GRM3: variants seen among roughly 807,000 people sequenced by gnomAD.
GRM3 encodes glutamate metabotropic receptor 3, also known as metabotropic glutamate receptor 3.
GRM3 carries 26 observed loss-of-function variants against 70.5 expected under a neutral mutation model. The observed-to-expected ratio is 0.37, with a 90% CI of 0.27 to 0.51. The LOEUF (loss-of-function observed/expected upper bound fraction) is 0.51. GRM3 is among the 20% of genes least tolerant of loss of function. The pLI is 0.93. For synonymous variants in GRM3, 443 were observed against 434.9 expected (o/e 1.02, Z -0.23); for missense variants, 859 against 1,123.8 (o/e 0.76, Z 3.37).
chr7:86,650,967 C>T (rs1284901968), intron 1 of GRM3, among the ~76,000 whole-genome samples: 2 of 152,184 alleles, frequency 1.3e-5, no homozygotes, highest in Admixed American at 6.5e-5. Flanking sequence ...GCATTTTACA[C>T]ATCGGGACAT....
intron 3 of GRM3, among the ~76,000 whole-genome samples, chr7:86,800,573 C>T (rs1797658771): frequency 6.6e-6 from 1 of 152,096 alleles, no homozygotes; most frequent in South Asian, 2.1e-4. Context: ...CATACATCTT[C>T]CCAAGGCTGA....
intron 1 of GRM3, among the ~76,000 whole-genome samples, chr7:86,646,488 G>A (rs1231084222): frequency 6.6e-6 from 1 of 152,110 alleles, no homozygotes; most frequent in African/African-American, 2.4e-5. Context: ...ATGAGGAAAG[G>A]AAGTCTTGAA....
At chr7:86,646,005 GT>G (rs1424865584) in intron 1 of GRM3, among the ~76,000 whole-genome samples, 5,598 of 41,884 alleles carry the variant, frequency 0.13, 559 homozygotes, top group East Asian at 0.36. Context: ...GGGTGGGGGG[GT>G]GGGGGGGGGT....
intron 2 of GRM3, among the ~76,000 whole-genome samples, chr7:86,765,816 G>A (rs1162362564): frequency 1.3e-5 from 2 of 152,094 alleles, no homozygotes; most frequent in Non-Finnish European, 2.9e-5. Flanking sequence ...AGCATATCAG[G>A]TAGCTATTGC....
In GRM3 at chr7:86,787,073, G is replaced by C; in HGVS notation, c.1281G>C (p.Gly427=). 1 of 1,611,582 alleles carries C rather than the reference G, an allele frequency of 6.2e-7. No homozygotes were observed. Among genetic ancestry groups the C allele is most frequent in the Non-Finnish European group, 8.5e-7 (1 of 1,178,618 alleles). ...KLCDAMKILD[G]KKLYKDYLLK... is the part of the protein sequence containing the mutation. ...GTGATGCTATGAAGATCCTGGATGG[G>C]AAGAAGTTGTACAAGGATTACTTGC... Residue 427 remains glycine, a synonymous_variant, in exon 3 of 6, where the codon GGG becomes GGC. Coordinates refer to ENST00000361669, the MANE Select transcript of GRM3 (RefSeq NM_000840.3).
chr7:86,659,278 G>T (rs1196116832), intron 1 of GRM3, among the ~76,000 whole-genome samples: 1 of 152,184 alleles, frequency 6.6e-6, no homozygotes, highest in Non-Finnish European at 1.5e-5. Flanking sequence ...TTAGAAGAAT[G>T]AGAAGATATT....
chr7:86,856,718 T>A (rs1359963594), intron 5 of GRM3, among the ~76,000 whole-genome samples: 1 of 152,198 alleles, frequency 6.6e-6, no homozygotes, highest in Non-Finnish European at 1.5e-5. Flanking sequence ...TCTACATGTA[T>A]TAGAGAATTG....
intron 1 of GRM3, among the ~76,000 whole-genome samples, chr7:86,727,072 C>A (rs1249718947): frequency 6.6e-6 from 1 of 152,080 alleles, no homozygotes; most frequent in African/African-American, 2.4e-5. Context: ...AGTTCTCTTT[C>A]CTAGGGAAAT....
chr7:86,678,153 G>C (rs1794352119), intron 1 of GRM3, among the ~76,000 whole-genome samples: 1 of 151,838 alleles, frequency 6.6e-6, no homozygotes, highest in South Asian at 2.1e-4. Context: ...ACTATGAATA[G>C]TTATTTCTAA....
At chr7:86,838,555 T>G (rs1012476952) in intron 3 of GRM3, among the ~76,000 whole-genome samples, 1 of 152,236 alleles carries the variant, frequency 6.6e-6, no homozygotes, top group African/African-American at 2.4e-5. Context: ...TATGACTACA[T>G]GTTTGTAAAT....
chr7:86,832,257 T>TA (rs1798367112), intron 3 of GRM3, among the ~76,000 whole-genome samples: 1 of 147,670 alleles, frequency 6.8e-6, no homozygotes, highest in Non-Finnish European at 1.5e-5. Flanking sequence ...TTTTTTTTTT[T>TA]TTTTTTTTTT....
chr7:86,817,990 G>T (rs1798050149), intron 3 of GRM3, among the ~76,000 whole-genome samples: 1 of 151,878 alleles, frequency 6.6e-6, no homozygotes, highest in Non-Finnish European at 1.5e-5. Context: ...AACATACGCT[G>T]AGCCTACCTC....
intron 1 of GRM3, among the ~76,000 whole-genome samples, chr7:86,697,781 G>T (rs140859267): frequency 0.013 from 2,049 of 152,114 alleles, 38 homozygotes; most frequent in African/African-American, 0.047. Flanking sequence ...GCTCTAAGAG[G>T]CAATAATTCC....
chr7:86,697,292 C>CAAA (rs77134910), intron 1 of GRM3, among the ~76,000 whole-genome samples: 8 of 118,988 alleles, frequency 6.7e-5, no homozygotes, highest in African/African-American at 2.4e-4. Flanking sequence ...TAAACAAAAG[C>CAAA]AAAAAAAAAA....
chr7:86,704,714 G>T (rs939079977), intron 1 of GRM3, among the ~76,000 whole-genome samples: 6 of 151,796 alleles, frequency 4.0e-5, no homozygotes, highest in Non-Finnish European at 8.8e-5. Flanking sequence ...CTTACACCTT[G>T]AAAGACTGAA....
chr7:86,688,892 C>T lies in GRM3; in HGVS notation c.-141+44020C>T, dbSNP rs551581020. On this transcript the variant is annotated intron_variant, in intron 1 of 5. Coordinates refer to ENST00000361669, the MANE Select transcript of GRM3 (RefSeq NM_000840.3). ...GAATATCCTAAGTCTTAGATGTTCACAAAGGGTTAAGGAATACAAATTTTA... is the reference window on the plus strand; with the variant it reads ...GAATATCCTAAGTCTTAGATGTTCATAAAGGGTTAAGGAATACAAATTTTA... Among the ~76,000 whole-genome samples the T allele has an allele frequency of 1.5e-3, 228 of 148,354 alleles. 2 individuals are homozygous for T. Among genetic ancestry groups the T allele is most frequent in the African/African-American group, 4.9e-3 (198 of 40,816 alleles).
At position 86,722,401 on chromosome 7, in the gene GRM3, A is replaced by G. The variant is rs549455431; in HGVS notation, c.-140-42605A>G. Among the ~76,000 whole-genome samples, 93 of 152,228 alleles carry G rather than the reference A, an allele frequency of 6.1e-4. 1 individual carries two copies. Among genetic ancestry groups the G allele is most frequent in the South Asian group, 6.0e-3 (29 of 4,828 alleles). On this transcript the variant is annotated intron_variant, in intron 1 of 5. Transcript: ENST00000361669. ...GATAAAGAAAATGTGGTACATATAC[A>G]CCATGGAATACTATGCAGCCATAAA...
chr7:86,766,980 G>A (rs887011467), intron 2 of GRM3, among the ~76,000 whole-genome samples: 1 of 152,180 alleles, frequency 6.6e-6, no homozygotes, highest in Non-Finnish European at 1.5e-5. Flanking sequence ...GGAGGCTGAG[G>A]CAGGCAGATC....
At chr7:86,812,251 G>A (rs962727692) in intron 3 of GRM3, among the ~76,000 whole-genome samples, 15 of 151,850 alleles carry the variant, frequency 9.9e-5, no homozygotes, top group Admixed American at 9.9e-4. Context: ...AGTGCTGAGA[G>A]AAGTGATGAA....
Sources: allele counts gnomAD v4.1 joint callset (sites outside exome capture counted in the v4.1 genomes callset), GRCh38; gene constraint gnomAD v4.1.1; transcripts MANE v1.5; gene names NCBI Gene and HGNC (gene_info 2026-07-23, HGNC 2026-07-21).